The following ABCA13 variants were observed in gnomAD, a reference collection of about 807,000 sequenced individuals.
The protein encoded by ABCA13 is ATP-binding cassette sub-family A member 13.
A neutral mutation model predicts 478.7 loss-of-function variants in ABCA13; 476 were observed. The observed-to-expected ratio is 0.99, with a 90% CI of 0.92 to 1.07. The LOEUF (loss-of-function observed/expected upper bound fraction) is 1.07, where lower values mean the gene tolerates loss of function less well. Among genes scored for constraint, ABCA13 ranks in the 50% least tolerant of loss-of-function variants. ABCA13 has a pLI of 0.00. For missense variants in ABCA13, 6,060 were observed against 5,910.6 expected (o/e 1.03, Z -0.83); for synonymous variants, 2,252 against 2,158.9 (o/e 1.04, Z -1.20).
At chr7:48,589,189 C>T (rs1417161223) in intron 57 of ABCA13, among the ~76,000 whole-genome samples, 1 of 152,174 alleles carries the variant, frequency 6.6e-6, no homozygotes. Flanking sequence ...ACTTTGGTGT[C>T]TATTGAAGGA....
At chr7:48,586,595 G>A (rs900505138) in intron 56 of ABCA13, among the ~76,000 whole-genome samples, 9 of 152,230 alleles carry the variant, frequency 5.9e-5, no homozygotes, top group African/African-American at 2.2e-4. Flanking sequence ...GAGGGAGGGC[G>A]TGTGACAAGG....
Position 48,271,884 on chromosome 7 carries a change from T to C in ABCA13, c.2218T>C (p.Phe740Leu), listed in dbSNP as rs776893226. The C allele has an allele frequency of 7.1e-5, 114 of 1,611,522 alleles. No homozygotes were observed. Among genetic ancestry groups the C allele is most frequent in the Middle Eastern group, 3.3e-4 (2 of 6,084 alleles). Residue 740 changes from phenylalanine to leucine, a missense_variant, in exon 17 of 62, where the codon TTT becomes CTT. Physicochemically the swap from Phe to Leu is conservative, Grantham distance 22 (BLOSUM62 0). Coordinates refer to ENST00000435803, the MANE Select transcript of ABCA13 (RefSeq NM_152701.5). ...CTTTCTTTTATCATTTGTGGAATTTTTTGAGAAATTATTGTTGCCTAATCT... is the reference window on the plus strand; with the variant it reads ...CTTTCTTTTATCATTTGTGGAATTTCTTGAGAAATTATTGTTGCCTAATCT... Reference protein sequence around the residue: ...MNFLLSFVEFFEKLLLPNLFD... With the variant: ...MNFLLSFVEFLEKLLLPNLFD...
At chr7:48,424,480 A>G (rs1326043436) in intron 41 of ABCA13, among the ~76,000 whole-genome samples, 1 of 152,218 alleles carries the variant, frequency 6.6e-6, no homozygotes, top group East Asian at 1.9e-4. Flanking sequence ...TCCCTCATCA[A>G]CATTATAACA....
chr7:48,312,564 A>T (rs1801932261), intron 24 of ABCA13, among the ~76,000 whole-genome samples: 1 of 152,246 alleles, frequency 6.6e-6, no homozygotes, highest in Admixed American at 6.5e-5. Context: ...GAACCTTTCT[A>T]ACTGTTAGAC....
At chr7:48,492,014 A>G (rs1287008408) in intron 48 of ABCA13, among the ~76,000 whole-genome samples, 2 of 152,144 alleles carry the variant, frequency 1.3e-5, no homozygotes, top group African/African-American at 2.4e-5. Context: ...CACACTTCTC[A>G]TGACAATGGT....
chr7:48,450,086 C>T (rs900108452), intron 42 of ABCA13, among the ~76,000 whole-genome samples: 10 of 152,158 alleles, frequency 6.6e-5, no homozygotes, highest in Non-Finnish European at 1.5e-4. Context: ...ATAGATAACC[C>T]AGCACCTAGC....
chr7:48,519,969 A>C lies in ABCA13; in HGVS notation c.13798-72A>C, dbSNP rs1312058082. ...CACAGAGCTAACCAAGGAGAAAAAG[A>C]AGTTATTGGTATATATTATGAAAAG... On this transcript the variant is annotated intron_variant, in intron 52 of 61. Transcript: ENST00000435803. 5 of 1,417,892 alleles carry C rather than the reference A, an allele frequency of 3.5e-6. No homozygotes were observed. In the South Asian group the frequency reaches 7.8e-5, roughly 22 times the overall value. The allele number at this position is 1,417,892 out of a possible 1,614,324, so 87.8% of individuals were successfully genotyped here. A position where few individuals can be genotyped will look rare whatever the true frequency, so the allele number is the denominator to read the frequency against.
At chr7:48,537,212 T>C (rs1450340954) in intron 55 of ABCA13, among the ~76,000 whole-genome samples, 1 of 152,236 alleles carries the variant, frequency 6.6e-6, no homozygotes, top group Non-Finnish European at 1.5e-5. Flanking sequence ...CAATCTAGTT[T>C]TGTTGTTTTA....
chr7:48,451,002 CTT>C (rs368732073), intron 42 of ABCA13, among the ~76,000 whole-genome samples: 4 of 114,208 alleles, frequency 3.5e-5, no homozygotes, highest in African/African-American at 3.4e-5. Flanking sequence ...TTTTCTTTTT[CTT>C]TTTTTTTTTT....
intron 48 of ABCA13, among the ~76,000 whole-genome samples, chr7:48,489,736 A>G (rs1829673421): frequency 1.3e-5 from 2 of 152,230 alleles, no homozygotes; most frequent in South Asian, 4.1e-4. Flanking sequence ...GGGAAGATGA[A>G]CATCACATTT....
At chr7:48,375,881 A>C (rs1041002354) in intron 34 of ABCA13, among the ~76,000 whole-genome samples, 3 of 152,192 alleles carry the variant, frequency 2.0e-5, no homozygotes, top group Non-Finnish European at 4.4e-5. Flanking sequence ...TTCCAAGTAC[A>C]CAATGATTAA....
At chr7:48,467,825 A>G (rs1300397438) in intron 44 of ABCA13, among the ~76,000 whole-genome samples, 10 of 152,196 alleles carry the variant, frequency 6.6e-5, no homozygotes, top group Admixed American at 6.5e-4. Flanking sequence ...TTTGTTTTCT[A>G]ATTTGCGATG....
At chr7:48,368,413 A>C (rs1296510930) in intron 32 of ABCA13, among the ~76,000 whole-genome samples, 1 of 151,910 alleles carries the variant, frequency 6.6e-6, no homozygotes, top group East Asian at 1.9e-4. Flanking sequence ...CCATCACCCG[A>C]GCAGTGTACC....
intron 31 of ABCA13, among the ~76,000 whole-genome samples, chr7:48,357,565 G>A (rs991178045): frequency 3.9e-5 from 6 of 151,956 alleles, no homozygotes; most frequent in African/African-American, 1.2e-4. Flanking sequence ...TCAGCAAATC[G>A]TTTCTCCAAT....
At chr7:48,593,103 AT>A (rs1269631404) in intron 57 of ABCA13, among the ~76,000 whole-genome samples, 1 of 151,730 alleles carries the variant, frequency 6.6e-6, no homozygotes, top group East Asian at 1.9e-4. Context: ...TATTCTTGAC[AT>A]TTTGTTAATT....
intron 35 of ABCA13, among the ~76,000 whole-genome samples, chr7:48,377,413 A>T (rs548130494): frequency 7.5e-4 from 115 of 152,332 alleles, no homozygotes; most frequent in African/African-American, 2.6e-3. Flanking sequence ...CAAAGCAAAT[A>T]GTGTCTAACT....
Position 48,241,132 on chromosome 7 carries a change from A to G in ABCA13, c.1262+66A>G, listed in dbSNP as rs779516834. 86 of 1,549,290 alleles carry G rather than the reference A, an allele frequency of 5.6e-5. No individual in the cohort carries two copies. The Admixed American group carries it at 8.2e-4, about 15-fold the overall frequency. On this transcript the variant is annotated intron_variant, in intron 10 of 61. Coordinates refer to ENST00000435803, the MANE Select transcript of ABCA13 (RefSeq NM_152701.5). ...GACACAGAATGTTAAAGAGTGCGTG[A>G]TGATACTGTTAGAAACACATTCTGT...
chr7:48,610,732 T>A (rs71547893), intron 58 of ABCA13, among the ~76,000 whole-genome samples: 10,105 of 152,320 alleles, frequency 0.066, 474 homozygotes, highest in Middle Eastern at 0.12. Flanking sequence ...GCAGGCTTAC[T>A]GCCATGTGGA....
intron 55 of ABCA13, among the ~76,000 whole-genome samples, chr7:48,538,792 C>G (rs931854544): frequency 1.3e-5 from 2 of 151,984 alleles, no homozygotes; most frequent in Non-Finnish European, 2.9e-5. Context: ...TCCTAGACAC[C>G]ATAGTTTAAT....
Sources: allele counts gnomAD v4.1 joint callset (sites outside exome capture counted in the v4.1 genomes callset), GRCh38; gene constraint gnomAD v4.1.1; transcripts MANE v1.5; gene names NCBI Gene and HGNC (gene_info 2026-07-23, HGNC 2026-07-21).